The following RPS6KA6 variants were observed in gnomAD, a reference collection of about 807,000 sequenced individuals.
RPS6KA6 encodes the protein ribosomal protein S6 kinase A6.
In RPS6KA6, 27 loss-of-function variants were observed where a neutral mutation model predicts 65.4. The observed-to-expected ratio is 0.41, with a 90% CI of 0.30 to 0.57. The LOEUF is 0.57. RPS6KA6 is among the 20% of genes least tolerant of loss of function. The pLI is 0.24. For synonymous variants in RPS6KA6, 190 were observed against 184.2 expected (o/e 1.03, Z -0.26); for missense variants, 486 against 555.6 (o/e 0.87, Z 1.26).
chrX:84,186,251 G>A, intron 1 of RPS6KA6: 1 of 397,740 alleles, frequency 2.5e-6, no homozygotes, highest in Non-Finnish European at 4.4e-6. Flanking sequence ...TAATAAAATA[G>A]TAGGCATGCA....
Position 84,104,573 on chromosome X carries a change from A to G in RPS6KA6, c.1540T>C (p.Cys514Arg), listed in dbSNP as rs889728793. The G allele has an allele frequency of 2.5e-6, 3 of 1,189,268 alleles. No individual in the cohort carries two copies. In the East Asian group the frequency reaches 9.0e-5, roughly 36 times the overall value. ...TCACTAGCCTCCCGTTCCGAGAAAC[A>G]TTTTTGTTTGAGAATACGGTCAAGT... The part of the protein sequence containing the change: ...ELLDRILKQK[C>R]FSEREASDIL... Residue 514 changes from cysteine to arginine, a missense_variant, in exon 17 of 22, where the codon TGT (cysteine) becomes CGT (arginine). Cys to Arg is a radical substitution (Grantham distance 180). This residue lies in a region of RPS6KA6 where 345 missense variants were observed against 375.0 expected (regional missense o/e 0.92). Transcript: ENST00000262752.
At chrX:84,101,949 T>C in intron 18 of RPS6KA6, 88 bp downstream of exon 18, 1 of 788,980 alleles carries the variant, frequency 1.3e-6, no homozygotes, top group East Asian at 3.7e-5. Context: ...ACAGCTTTTA[T>C]CTGCCTACCA....
intron 3 of RPS6KA6, among the ~76,000 whole-genome samples, chrX:84,153,129 T>C (rs1422565500): frequency 8.9e-6 from 1 of 111,915 alleles, no homozygotes; most frequent in East Asian, 2.8e-4. Context: ...AATTTTAAGA[T>C]GTAAGCATAT....
chrX:84,059,145 T>TTTTTTTTG lies in RPS6KA6; in HGVS notation c.*5131_*5132insCAAAAAAA, dbSNP rs2033260637. 1 of 79,644 alleles carries TTTTTTTTG rather than the reference T, an allele frequency of 1.3e-5. No individual in the cohort carries two copies. The highest frequency in any genetic ancestry group is 2.4e-5 in the Non-Finnish European group (1 of 41,391). The allele number at this position is 79,644 out of a possible 1,213,427, so 6.6% of individuals were successfully genotyped here. On this transcript the variant is annotated 3_prime_UTR_variant, in exon 22 of 22. Coordinates refer to ENST00000262752, the MANE Select transcript of RPS6KA6 (RefSeq NM_014496.5). ...TTTTTTTTTTTTTTTTTTTTTTTTT[T>TTTTTTTTG]GTGAGACGGAGTTTCGCTCTTGTTG...
At chrX:84,095,864 A>C (rs1195169115) in intron 20 of RPS6KA6, among the ~76,000 whole-genome samples, 1 of 112,014 alleles carries the variant, frequency 8.9e-6, no homozygotes, top group Non-Finnish European at 1.9e-5. Flanking sequence ...AAAGAAAATG[A>C]TATGGAAATA....
intron 20 of RPS6KA6, among the ~76,000 whole-genome samples, chrX:84,076,997 C>A (rs1339856633): frequency 1.8e-5 from 2 of 110,139 alleles, no homozygotes; most frequent in Admixed American, 9.8e-5. Flanking sequence ...AATTTTAATG[C>A]CATTAATATT....
chrX:84,142,746 A>G (rs1436597124), intron 6 of RPS6KA6, among the ~76,000 whole-genome samples: 1 of 111,676 alleles, frequency 9.0e-6, no homozygotes, highest in African/African-American at 3.2e-5. Flanking sequence ...CATAACTTTG[A>G]TGAAATAGAC....
chrX:84,173,510 G>GA (rs750989139), intron 1 of RPS6KA6, among the ~76,000 whole-genome samples: 1 of 111,634 alleles, frequency 9.0e-6, no homozygotes, highest in South Asian at 3.7e-4. Context: ...AAACAATACA[G>GA]AAAAAAATAA....
chrX:84,165,321 T>C (rs2035579750), intron 1 of RPS6KA6, among the ~76,000 whole-genome samples: 1 of 110,735 alleles, frequency 9.0e-6, no homozygotes, highest in East Asian at 2.8e-4. Context: ...ACAGTCAAAA[T>C]GAAATAAGCT....
intron 4 of RPS6KA6, 26 bp from the exon 5 acceptor site, chrX:84,147,084 T>C (rs772902145): frequency 1.1e-5 from 9 of 851,384 alleles, no homozygotes; most frequent in South Asian, 2.5e-5. Flanking sequence ...AGGTACAATA[T>C]ATTGCTCTCT....
chrX:84,143,163 CATCTGACTATCAATCGATGTA>C (rs1462297356), intron 6 of RPS6KA6, among the ~76,000 whole-genome samples: 1 of 111,117 alleles, frequency 9.0e-6, no homozygotes, highest in African/African-American at 3.3e-5. Flanking sequence ...GTTGGTTCAA[CATCTGACTATCAATCGATGTA>C]ATTCACCACA....
intron 20 of RPS6KA6, 84 bp from the exon 21 acceptor site, chrX:84,065,195 A>G: frequency 1.6e-6 from 1 of 629,301 alleles, no homozygotes; most frequent in Non-Finnish European, 2.4e-6. Context: ...GACAGCATCA[A>G]TAGCCTTGCA....
At chrX:84,158,952 A>T (rs2035462592) in intron 2 of RPS6KA6, among the ~76,000 whole-genome samples, 1 of 111,472 alleles carries the variant, frequency 9.0e-6, no homozygotes, top group Non-Finnish European at 1.9e-5. Flanking sequence ...ATTCGGACAC[A>T]TGGCCAGGAT....
intron 1 of RPS6KA6, chrX:84,185,938 G>T (rs1602497893): frequency 2.2e-6 from 1 of 458,053 alleles, no homozygotes; most frequent in East Asian, 4.1e-5. Flanking sequence ...AAGTGGGTCT[G>T]TTCAAATGTA....
At chrX:84,175,854 T>C (rs909142611) in intron 1 of RPS6KA6, among the ~76,000 whole-genome samples, 1 of 111,458 alleles carries the variant, frequency 9.0e-6, no homozygotes, top group African/African-American at 3.3e-5. Flanking sequence ...AAGACAGAAA[T>C]TGAGAGCAAT....
chrX:84,152,542 A>G (rs938981544), intron 3 of RPS6KA6, among the ~76,000 whole-genome samples: 1 of 110,916 alleles, frequency 9.0e-6, no homozygotes, highest in South Asian at 3.8e-4. Context: ...TCCTTGAAAA[A>G]TTTCCCTATC....
intron 4 of RPS6KA6, among the ~76,000 whole-genome samples, 195 bp downstream of exon 4, chrX:84,147,847 C>T (rs1160725985): frequency 9.0e-6 from 1 of 111,288 alleles, no homozygotes; most frequent in Non-Finnish European, 1.9e-5. Flanking sequence ...CAAATTTTTA[C>T]GGGGGTGCAC....
intron 20 of RPS6KA6, among the ~76,000 whole-genome samples, chrX:84,071,905 C>T (rs759138694): frequency 3.6e-5 from 4 of 111,797 alleles, no homozygotes; most frequent in African/African-American, 1.3e-4. Flanking sequence ...AAAATCTGAA[C>T]AGACCAATAG....
At chrX:84,071,502 T>C (rs958779355) in intron 20 of RPS6KA6, among the ~76,000 whole-genome samples, 2 of 111,557 alleles carry the variant, frequency 1.8e-5, no homozygotes, top group Non-Finnish European at 3.8e-5. Context: ...TATGAAACTG[T>C]TTCCAGTAAC....
Sources: gnomAD v4.1 joint callset for allele counts (sites outside exome capture counted in the v4.1 genomes callset) on GRCh38, gnomAD v4.1.1 for gene constraint, gnomAD v4.1.1 regional missense constraint, MANE v1.5 for transcripts, NCBI Gene and HGNC (gene_info 2026-07-23, HGNC 2026-07-21) for gene names.